The following CSMD2 variants were observed in gnomAD, a reference collection of about 807,000 sequenced individuals.
CSMD2 encodes the protein CUB and sushi domain-containing protein 2.
CSMD2 carries 130 observed loss-of-function variants against 398.5 expected under a neutral mutation model. That is an observed-to-expected ratio of 0.33 (90% CI 0.28 to 0.38). The LOEUF is 0.38. CSMD2 is among the 10% of genes least tolerant of loss of function. CSMD2 has a pLI of 1.00. For synonymous variants in CSMD2, 1,828 were observed against 1,908.5 expected, an observed-to-expected ratio of 0.96 and a Z score of 1.10; for missense variants, 3,829 against 4,764.9, an observed-to-expected ratio of 0.80 and a Z score of 5.78.
chr1:33,643,883 TGGGAATGAAGGAAGGAAGGAAGGA>T (rs1302520373), intron 29 of CSMD2, among the ~76,000 whole-genome samples: 9 of 136,358 alleles, frequency 6.6e-5, no homozygotes, highest in African/African-American at 2.7e-4. Context: ...GTGTGTAGTC[TGGGAATGAAGGAAGGAAGGAAGGA>T]AGGAAGGAAG....
intron 25 of CSMD2, among the ~76,000 whole-genome samples, chr1:33,672,515 C>T (rs1217135556): frequency 6.6e-6 from 1 of 152,210 alleles, no homozygotes; most frequent in Non-Finnish European, 1.5e-5. Context: ...CTGCCTGCCT[C>T]TATAGGCTCC....
chr1:34,057,996 G>C (rs1459853927), intron 2 of CSMD2, among the ~76,000 whole-genome samples: 1 of 152,132 alleles, frequency 6.6e-6, no homozygotes, highest in Non-Finnish European at 1.5e-5. Flanking sequence ...GCTTCTCCTG[G>C]CCTGAAAGCA....
At chr1:33,784,143 A>C (rs1234202864) in intron 12 of CSMD2, among the ~76,000 whole-genome samples, 1 of 152,254 alleles carries the variant, frequency 6.6e-6, no homozygotes, top group Non-Finnish European at 1.5e-5. Context: ...GTTGAGGCTG[A>C]AACCATGGAA....
At chr1:34,052,304 C>T (rs183348672) in intron 2 of CSMD2, among the ~76,000 whole-genome samples, 23 of 151,686 alleles carry the variant, frequency 1.5e-4, no homozygotes, top group African/African-American at 3.6e-4. Context: ...TTTAAAACAA[C>T]GCAGTACAAT....
chr1:33,538,994 G>C (rs1366950549), intron 60 of CSMD2, among the ~76,000 whole-genome samples: 1 of 151,944 alleles, frequency 6.6e-6, no homozygotes, highest in East Asian at 1.9e-4. Context: ...TTGAGATGGA[G>C]TCTCACTCTG....
chr1:33,792,417 A>G lies in CSMD2; in HGVS notation c.1550+6T>C. ...CCTTCCAAACAACATGCCCCACTGCACTTACATGTAGAGAACTGTCTTCTG... is the reference window on the plus strand; with the variant it reads ...CCTTCCAAACAACATGCCCCACTGCGCTTACATGTAGAGAACTGTCTTCTG... On this transcript the variant is annotated splice_donor_region_variant and intron_variant, in intron 11 of 70. Coordinates refer to ENST00000373381, the MANE Select transcript of CSMD2 (RefSeq NM_001281956.2). The G allele has an allele frequency of 6.2e-7, 1 of 1,606,516 alleles. No individual in the cohort carries two copies. The highest frequency in any genetic ancestry group is 8.5e-7 in the Non-Finnish European group (1 of 1,173,258).
At chr1:34,017,223 C>G (rs761288364) in intron 3 of CSMD2, among the ~76,000 whole-genome samples, 19 of 152,318 alleles carry the variant, frequency 1.2e-4, no homozygotes, top group Non-Finnish European at 2.5e-4. Flanking sequence ...CTATATAAAA[C>G]AACTTCTTGA....
At chr1:33,932,179 G>A (rs1644333952) in intron 4 of CSMD2, among the ~76,000 whole-genome samples, 1 of 152,114 alleles carries the variant, frequency 6.6e-6, no homozygotes, top group Non-Finnish European at 1.5e-5. Context: ...AGGTTTTCAT[G>A]GGCCAAGTTT....
In CSMD2 at chr1:33,827,669, G is replaced by A. The variant is rs537924297; in HGVS notation, c.1034-1895C>T. On this transcript the variant is annotated intron_variant, in intron 6 of 70. Transcript: ENST00000373381. ...AAGGCAGGGATTTTTATTCATGGGT[G>A]TATCCTCAACGCCTAGAATCATTTC... 3.0e-3 allele frequency among the ~76,000 whole-genome samples: 453 copies of A among 151,750 alleles called. 2 individuals are homozygous for A. Among genetic ancestry groups the A allele is most frequent in the Middle Eastern group, 0.014 (4 of 294 alleles).
chr1:34,116,672 A>G (rs911348730), intron 1 of CSMD2, among the ~76,000 whole-genome samples: 39 of 152,084 alleles, frequency 2.6e-4, no homozygotes, highest in Admixed American at 2.6e-4. Flanking sequence ...AGAATACCCT[A>G]CCCAACAACA....
At chr1:33,802,128 T>G (rs1199637266) in intron 10 of CSMD2, among the ~76,000 whole-genome samples, 1 of 152,186 alleles carries the variant, frequency 6.6e-6, no homozygotes, top group Non-Finnish European at 1.5e-5. Context: ...ATTAATATTA[T>G]AAGGACTGAG....
chr1:33,666,384 A>G (rs1644317187), intron 25 of CSMD2, among the ~76,000 whole-genome samples: 1 of 152,080 alleles, frequency 6.6e-6, no homozygotes, highest in Admixed American at 6.5e-5. Flanking sequence ...GTACTTTGCA[A>G]AGTTTTATGT....
chr1:33,545,607 C>T (rs1656803989), intron 57 of CSMD2, among the ~76,000 whole-genome samples: 1 of 152,176 alleles, frequency 6.6e-6, no homozygotes, highest in African/African-American at 2.4e-5. Flanking sequence ...CATGACCTAA[C>T]AACTTCCCAA....
intron 44 of CSMD2, among the ~76,000 whole-genome samples, chr1:33,587,527 G>A (rs1033712256): frequency 6.6e-5 from 10 of 152,116 alleles, no homozygotes; most frequent in Non-Finnish European, 1.5e-4. Flanking sequence ...TACTCTACTC[G>A]TGAGCAAGTG....
chr1:33,726,428 C>G, intron 16 of CSMD2, 119 bp downstream of exon 16: 1 of 1,248,228 alleles, frequency 8.0e-7, no homozygotes, highest in South Asian at 1.6e-5. Flanking sequence ...CCAGTGTTCT[C>G]CAACCTTGCT....
chr1:34,158,879 TG>T (rs1641050980), intron 1 of CSMD2, among the ~76,000 whole-genome samples: 1 of 152,212 alleles, frequency 6.6e-6, no homozygotes, highest in Non-Finnish European at 1.5e-5. Context: ...GATAATTAAA[TG>T]GTAATGTCTA....
intron 5 of CSMD2, chr1:33,869,373 T>G (rs1640283381): frequency 6.6e-6 from 1 of 152,124 alleles, no homozygotes; most frequent in African/African-American, 2.4e-5. Context: ...AAAAACCAAA[T>G]GTGGGAACTG....
intron 25 of CSMD2, among the ~76,000 whole-genome samples, chr1:33,690,851 C>T (rs2149093208): frequency 6.6e-6 from 1 of 152,276 alleles, no homozygotes; most frequent in African/African-American, 2.4e-5. Flanking sequence ...GCAGAGACCA[C>T]AGCTCCAGGA....
At chr1:33,879,673 A>G (rs1265938738) in intron 5 of CSMD2, among the ~76,000 whole-genome samples, 1 of 152,202 alleles carries the variant, frequency 6.6e-6, no homozygotes, top group Non-Finnish European at 1.5e-5. Context: ...CACCACCACT[A>G]TAATCATGAG....
Sources: gnomAD v4.1 joint callset for allele counts (sites outside exome capture counted in the v4.1 genomes callset) on GRCh38, gnomAD v4.1.1 for gene constraint, MANE v1.5 for transcripts, NCBI Gene and HGNC (gene_info 2026-07-23, HGNC 2026-07-21) for gene names.